The following ROBO2 variants were observed in gnomAD, a reference collection of about 807,000 sequenced individuals.
ROBO2 encodes roundabout homolog 2.
Under a neutral mutation model 160.8 loss-of-function variants are expected in ROBO2, and 53 were observed. The ratio of observed to expected loss-of-function variants is 0.33; its 90% confidence interval spans 0.26 to 0.41. ROBO2 has a LOEUF of 0.41. Among genes scored for constraint, ROBO2 ranks in the 10% least tolerant of loss-of-function variants. The pLI is 1.00. For synonymous variants in ROBO2, 664 were observed against 611.7 expected, an observed-to-expected ratio of 1.09 and a Z score of -1.26; for missense variants, 1,577 against 1,722.4, an observed-to-expected ratio of 0.92 and a Z score of 1.49.
At chr3:76,212,311 A>C (rs998350156) in intron 2 of ROBO2, among the ~76,000 whole-genome samples, 4 of 152,000 alleles carry the variant, frequency 2.6e-5, no homozygotes, top group African/African-American at 9.7e-5. Flanking sequence ...GACAGATTAG[A>C]AGACAGATGC....
At chr3:76,675,969 G>A (rs989200274) in intron 2 of ROBO2, among the ~76,000 whole-genome samples, 3 of 152,022 alleles carry the variant, frequency 2.0e-5, no homozygotes, top group Non-Finnish European at 2.9e-5. Context: ...TATTTAAAAT[G>A]TGCCCTTGCC....
At chr3:76,015,667 C>A (rs2066386438) in intron 2 of ROBO2, among the ~76,000 whole-genome samples, 1 of 152,152 alleles carries the variant, frequency 6.6e-6, no homozygotes, top group Non-Finnish European at 1.5e-5. Context: ...CCAGATGGCG[C>A]ACACAATCCA....
At chr3:76,884,803 T>G (rs1417189100) in intron 2 of ROBO2, among the ~76,000 whole-genome samples, 1 of 152,148 alleles carries the variant, frequency 6.6e-6, no homozygotes, top group Non-Finnish European at 1.5e-5. Context: ...TTAATGCTTG[T>G]CTAAGAGGAG....
intron 2 of ROBO2, among the ~76,000 whole-genome samples, chr3:76,536,171 G>T (rs927855857): frequency 6.6e-6 from 1 of 152,170 alleles, no homozygotes; most frequent in Non-Finnish European, 1.5e-5. Flanking sequence ...TGGTTGTTCT[G>T]AAGTTTTTCT....
At chr3:76,681,035 C>A in intron 2 of ROBO2, among the ~76,000 whole-genome samples, 1 of 152,082 alleles carries the variant, frequency 6.6e-6, no homozygotes, top group Non-Finnish European at 1.5e-5. Flanking sequence ...CCTCAGCCTC[C>A]CAAAGTGCTG....
chr3:76,965,464 T>C (rs2149256214), intron 2 of ROBO2, among the ~76,000 whole-genome samples: 1 of 152,288 alleles, frequency 6.6e-6, no homozygotes, highest in African/African-American at 2.4e-5. Context: ...GTTGCATACA[T>C]AGCTGCCCCT....
chr3:77,324,706 T>C (rs1581076057), intron 2 of ROBO2, among the ~76,000 whole-genome samples: 1 of 144,558 alleles, frequency 6.9e-6, no homozygotes, highest in African/African-American at 2.6e-5. Flanking sequence ...GGCGTGAACC[T>C]GGGAGGCGGA....
intron 2 of ROBO2, among the ~76,000 whole-genome samples, chr3:76,969,787 A>G (rs1401175033): frequency 6.6e-6 from 1 of 152,058 alleles, no homozygotes; most frequent in African/African-American, 2.4e-5. Context: ...TGATAAAACC[A>G]ATCATATCAG....
chr3:75,925,561 T>G (rs1345899849), intron 1 of ROBO2, among the ~76,000 whole-genome samples: 3 of 152,278 alleles, frequency 2.0e-5, no homozygotes, highest in Admixed American at 1.3e-4. Flanking sequence ...AGCCTGAGAG[T>G]GCTATAATCT....
At chr3:76,027,260 C>G (rs2066777355) in intron 2 of ROBO2, among the ~76,000 whole-genome samples, 1 of 151,892 alleles carries the variant, frequency 6.6e-6, no homozygotes, top group Non-Finnish European at 1.5e-5. Flanking sequence ...CACATAGGTT[C>G]AGGTACTAAA....
chr3:76,880,143 C>T, intron 2 of ROBO2, among the ~76,000 whole-genome samples: 1 of 152,052 alleles, frequency 6.6e-6, no homozygotes, highest in Non-Finnish European at 1.5e-5. Context: ...TCAGAACAGT[C>T]CTTTAATGTC....
intron 2 of ROBO2, among the ~76,000 whole-genome samples, chr3:77,427,833 A>T (rs2078359078): frequency 6.6e-6 from 1 of 152,212 alleles, no homozygotes; most frequent in South Asian, 2.1e-4. Flanking sequence ...AATGCAATAA[A>T]TCATTAAAGA....
intron 2 of ROBO2, among the ~76,000 whole-genome samples, chr3:76,549,745 G>T (rs747310880): frequency 1.3e-5 from 2 of 152,124 alleles, no homozygotes; most frequent in Non-Finnish European, 2.9e-5. Flanking sequence ...TCATCTACTA[G>T]AAAATTCTTC....
At chr3:76,882,450 C>T (rs1380081364) in intron 2 of ROBO2, among the ~76,000 whole-genome samples, 6 of 152,010 alleles carry the variant, frequency 3.9e-5, no homozygotes, top group African/African-American at 1.2e-4. Flanking sequence ...TTTCAGGACT[C>T]GGTCACTCCC....
chr3:76,508,382 C>T (rs1217764324), intron 2 of ROBO2, among the ~76,000 whole-genome samples: 1 of 151,944 alleles, frequency 6.6e-6, no homozygotes, highest in South Asian at 2.1e-4. Context: ...GACAGTATAC[C>T]TGTTTGGAGG....
intron 2 of ROBO2, among the ~76,000 whole-genome samples, chr3:76,095,883 A>T (rs976210039): frequency 6.6e-6 from 1 of 152,192 alleles, no homozygotes; most frequent in Non-Finnish European, 1.5e-5. Flanking sequence ...TGTAAAATAT[A>T]TAATACTAAG....
intron 2 of ROBO2, among the ~76,000 whole-genome samples, chr3:76,436,414 T>C (rs571915995): frequency 5.8e-4 from 89 of 152,350 alleles, no homozygotes; most frequent in African/African-American, 2.0e-3. Flanking sequence ...TTATGGCTTC[T>C]GTCCAAGCAC....
intron 2 of ROBO2, among the ~76,000 whole-genome samples, chr3:76,132,209 C>T (rs2071248678): frequency 6.6e-6 from 1 of 152,092 alleles, no homozygotes; most frequent in Non-Finnish European, 1.5e-5. Context: ...AGTTCTTTCC[C>T]ATTGGAGTTA....
At chr3:76,622,230 G>GAAAGAAAGAAAGAAAGAAAGAAAGAAA (rs1560251796) in intron 2 of ROBO2, among the ~76,000 whole-genome samples, 9 of 55,428 alleles carry the variant, frequency 1.6e-4, no homozygotes, top group South Asian at 2.0e-3. Flanking sequence ...AAGGAAGGAA[G>GAAAGAAAGAAAGAAAGAAAGAAAGAAA]GAAGGAAGAA....
Sources: allele counts gnomAD v4.1 joint callset (sites outside exome capture counted in the v4.1 genomes callset), GRCh38; gene constraint gnomAD v4.1.1; transcripts MANE v1.5; gene names NCBI Gene and HGNC (gene_info 2026-07-23, HGNC 2026-07-21).